The following BZW2 variants were observed in gnomAD, a reference collection of about 807,000 sequenced individuals.
BZW2 encodes the protein basic leucine zipper and W2 domains 2, also known as eIF5-mimic protein 1.
A neutral mutation model predicts 53.2 loss-of-function variants in BZW2; 23 were observed. The ratio of observed to expected loss-of-function variants is 0.43; its 90% CI spans 0.31 to 0.61. The LOEUF is 0.61. Among genes scored for constraint, BZW2 ranks in the 20% least tolerant of loss-of-function variants. The probability of loss-of-function intolerance (pLI) is 0.09; values close to 1 mark genes in which losing one functional copy is unlikely to be tolerated. For missense variants in BZW2, 409 were observed against 503.1 expected, an observed-to-expected ratio of 0.81 and a Z score of 1.79; for synonymous variants, 227 against 186.4, an observed-to-expected ratio of 1.22 and a Z score of -1.77.
In BZW2 at chr7:16,694,965, G is replaced by T; in HGVS notation, c.783G>T (p.Glu261Asp). ...SLGTRKELQK[E>D]LQERLSQECP... Reference sequence around the variant, plus strand: ...GCACCAGGAAGGAACTGCAGAAGGAGCTCCAGGAGCGTCTTTCTCAGGAAT... The same window carrying T: ...GCACCAGGAAGGAACTGCAGAAGGATCTCCAGGAGCGTCTTTCTCAGGAAT... The change falls in exon 8 of 12, where the codon GAG becomes GAT. Residue 261 changes from glutamate (E) to aspartate (D), a missense_variant. By Grantham distance (45) the Glu-to-Asp change is conservative. Transcript: ENST00000258761. The T allele has an allele frequency of 1.3e-5, 20 of 1,592,458 alleles. No individual in the cohort carries two copies. Among genetic ancestry groups the T allele is most frequent in the Non-Finnish European group, 1.7e-5 (20 of 1,163,160 alleles).
intron 5 of BZW2, 149 bp from the exon 6 acceptor site, chr7:16,685,756 C>A: frequency 1.0e-6 from 1 of 997,874 alleles, no homozygotes; most frequent in Non-Finnish European, 1.4e-6. Flanking sequence ...AAATGAATTA[C>A]TATGCTTTGC....
intron 4 of BZW2, among the ~76,000 whole-genome samples, chr7:16,681,955 G>C (rs1782959329): frequency 6.6e-6 from 1 of 152,166 alleles, no homozygotes; most frequent in South Asian, 2.1e-4. Context: ...GAATATGTAA[G>C]TATTAGTGTA....
At chr7:16,653,313 C>A (rs1782033290) in intron 1 of BZW2, among the ~76,000 whole-genome samples, 1 of 152,116 alleles carries the variant, frequency 6.6e-6, no homozygotes, top group Admixed American at 6.5e-5. Flanking sequence ...TTATTTTCCT[C>A]TTTTCCATGA....
At chr7:16,705,307 AAG>A (rs77919842) in intron 11 of BZW2, among the ~76,000 whole-genome samples, 38,961 of 151,590 alleles carry the variant, frequency 0.26, 5,791 homozygotes, top group South Asian at 0.34. Flanking sequence ...GCAGTGAGCC[AAG>A]ATTGCGCCAC....
At chr7:16,668,793 A>G (rs1782511558) in intron 2 of BZW2, among the ~76,000 whole-genome samples, 1 of 152,190 alleles carries the variant, frequency 6.6e-6, no homozygotes, top group Non-Finnish European at 1.5e-5. Context: ...TTAAAATACA[A>G]ACGTCATGGC....
intron 1 of BZW2, among the ~76,000 whole-genome samples, chr7:16,653,421 C>T (rs539695919): frequency 2.0e-5 from 3 of 152,260 alleles, no homozygotes; most frequent in East Asian, 1.9e-4. Context: ...CCAACACTCC[C>T]ATCAGTTTTG....
In BZW2 at chr7:16,685,876, CTTTTTTTTTTTT is replaced by C. The variant is rs34699573; in HGVS notation, c.406-21_406-10del. The C allele has an allele frequency of 1.9e-5, 25 of 1,294,588 alleles. No homozygotes were observed. In the South Asian group the frequency reaches 3.3e-4, roughly 17 times the overall value. 80.2% of individuals were successfully genotyped at this position (1,294,588 alleles called of 1,614,324 possible). A position where few individuals can be genotyped will look rare whatever the true frequency, so the allele number is the denominator to read the frequency against. On this transcript the variant is annotated splice_polypyrimidine_tract_variant and intron_variant, in intron 5 of 11. Transcript: ENST00000258761. ...TTCCTTTTTTTTTCTTTTTCTTTTTCTTTTTTTTTTTTTTTTTTTGACCCACAGCTTCTCCTC... is the reference window on the plus strand; with the variant it reads ...TTCCTTTTTTTTTCTTTTTCTTTTTCTTTTTTTGACCCACAGCTTCTCCTC...
Position 16,696,904 on chromosome 7 carries a change from A to G in BZW2, c.823-11A>G, listed in dbSNP as rs772966380. ...CCTGTTACTTTCTGACCCCATTTCC[A>G]TGTAATGTAGGTGGTGCTTTATGTC... On this transcript the variant is annotated splice_polypyrimidine_tract_variant and intron_variant, in intron 8 of 11. Transcript: ENST00000258761. The G allele has an allele frequency of 4.3e-6, 7 of 1,613,772 alleles. No individual in the cohort carries two copies. The highest frequency in any genetic ancestry group is 1.7e-5 in the Admixed American group (1 of 60,002).
At chr7:16,697,237 G>A (rs1038999792) in intron 9 of BZW2, among the ~76,000 whole-genome samples, 176 bp downstream of exon 9, 3 of 152,106 alleles carry the variant, frequency 2.0e-5, no homozygotes, top group Non-Finnish European at 2.9e-5. Flanking sequence ...CTACAGGCGC[G>A]TGCCACCACG....
chr7:16,657,537 C>G (rs1411163769), intron 1 of BZW2, among the ~76,000 whole-genome samples: 1 of 152,140 alleles, frequency 6.6e-6, no homozygotes, highest in African/African-American at 2.4e-5. Flanking sequence ...ATATTCTTGC[C>G]TATCCTCTGC....
rs772636286 is a variant in BZW2 at position 16,674,463 on chromosome 7, G to A, written c.110G>A (p.Gly37Glu). The change falls in exon 3 of 12, where the codon GGG becomes GAG. Residue 37 changes from glycine (G) to glutamate (E), a missense_variant. Physicochemically the swap from Gly to Glu is moderately conservative, Grantham distance 98 (BLOSUM62 -2). Coordinates refer to ENST00000258761, the MANE Select transcript of BZW2 (RefSeq NM_014038.3). ...PTVFRDTLVQ[G>E]LNEAGDDLEA... ...GTCTTCAGGGATACACTTGTCCAGG[G>A]GCTTAATGAGGCTGGTGATGACCTT... The A allele has an allele frequency of 6.2e-7, 1 of 1,612,836 alleles. No homozygotes were observed. The highest frequency in any genetic ancestry group is 1.3e-5 in the African/African-American group (1 of 74,998).
chr7:16,698,241 A>G, intron 10 of BZW2, 55 bp downstream of exon 10: 24 of 1,601,604 alleles, frequency 1.5e-5, no homozygotes, highest in Non-Finnish European at 1.9e-5. Context: ...GCTCTTTGAG[A>G]GGCAGAGCAG....
At chr7:16,681,158 T>C (rs1308400403) in intron 3 of BZW2, 143 bp from the exon 4 acceptor site, 1 of 688,358 alleles carries the variant, frequency 1.5e-6, no homozygotes, top group Non-Finnish European at 2.4e-6. Context: ...TATACATACA[T>C]GTCATTCTTT....
Position 16,706,215 on chromosome 7 carries a change from T to G in BZW2, c.*127T>G. ...AAAAAAAAAATAGGATAGGCTTCCC[T>G]TGTGCAGAGGGAGAAATGGTTTTGT... is the stretch of plus-strand genomic sequence containing the variant. On this transcript the variant is annotated 3_prime_UTR_variant, in exon 12 of 12. Transcript: ENST00000258761. 9.9e-7 allele frequency: 1 copy of G among 1,005,152 alleles called. No individual in the cohort carries two copies. The highest frequency in any genetic ancestry group is 1.5e-6 in the Non-Finnish European group (1 of 667,600). The allele number at this position is 1,005,152 out of a possible 1,614,324, so 62.3% of individuals were successfully genotyped here.
intron 5 of BZW2, among the ~76,000 whole-genome samples, chr7:16,684,379 A>G (rs1783049698): frequency 6.6e-6 from 1 of 152,256 alleles, no homozygotes; most frequent in Non-Finnish European, 1.5e-5. Flanking sequence ...AGCTATCATT[A>G]GCATATAATG....
intron 1 of BZW2, among the ~76,000 whole-genome samples, chr7:16,660,543 G>A (rs534729168): frequency 3.3e-5 from 5 of 151,586 alleles, no homozygotes; most frequent in East Asian, 3.9e-4. Flanking sequence ...ACTACTCTTC[G>A]AGCTACTTTA....
chr7:16,662,634 T>A (rs1330810521), intron 1 of BZW2, among the ~76,000 whole-genome samples: 1 of 150,554 alleles, frequency 6.6e-6, no homozygotes, highest in Admixed American at 6.6e-5. Flanking sequence ...AAACCATTTT[T>A]AGCCTGGCAC....
At chr7:16,699,609 A>G (rs1239260277) in intron 10 of BZW2, among the ~76,000 whole-genome samples, 1 of 152,024 alleles carries the variant, frequency 6.6e-6, no homozygotes, top group Non-Finnish European at 1.5e-5. Context: ...AGTGTTTCTC[A>G]CCAATTTTTT....
intron 2 of BZW2, among the ~76,000 whole-genome samples, chr7:16,671,792 G>T (rs185429299): frequency 7.5e-4 from 114 of 152,146 alleles, no homozygotes; most frequent in African/African-American, 2.7e-3. Context: ...CTAGCTGGGT[G>T]TGGTGGCATG....
Sources: gnomAD v4.1 joint callset for allele counts (sites outside exome capture counted in the v4.1 genomes callset) on GRCh38, gnomAD v4.1.1 for gene constraint, MANE v1.5 for transcripts, NCBI Gene and HGNC (gene_info 2026-07-23, HGNC 2026-07-21) for gene names.